The following SLC35D1 variants were observed in gnomAD, a reference collection of about 807,000 sequenced individuals.
The protein encoded by SLC35D1 is solute carrier family 35 member D1, also known as nucleotide sugar transporter SLC35D1.
Under a neutral mutation model 46.7 loss-of-function variants are expected in SLC35D1, and 31 were observed. The ratio of observed to expected loss-of-function variants is 0.66; its 90% confidence interval spans 0.50 to 0.90. The LOEUF (loss-of-function observed/expected upper bound fraction) is 0.90, where lower values mean the gene tolerates loss of function less well. Ranked by LOEUF, SLC35D1 falls within the 40% of genes least tolerant of loss-of-function variation. SLC35D1 has a pLI of 0.00. For missense variants in SLC35D1, 397 were observed against 426.2 expected (o/e 0.93, Z 0.60); for synonymous variants, 195 against 164.6 (o/e 1.18, Z -1.41).
chr1:67,025,229 C>T (rs1667893319), intron 8 of SLC35D1, among the ~76,000 whole-genome samples: 1 of 152,168 alleles, frequency 6.6e-6, no homozygotes, highest in East Asian at 1.9e-4. Flanking sequence ...ACAATTTAAC[C>T]TATAACACTT....
intron 8 of SLC35D1, among the ~76,000 whole-genome samples, chr1:67,026,030 T>C (rs950738716): frequency 1.3e-5 from 2 of 152,206 alleles, no homozygotes; most frequent in African/African-American, 4.8e-5. Context: ...CAGATGGAGT[T>C]CTTCAACATA....
intron 8 of SLC35D1, among the ~76,000 whole-genome samples, chr1:67,037,794 AG>A (rs1258431166): frequency 8.5e-5 from 13 of 152,208 alleles, no homozygotes; most frequent in Non-Finnish European, 1.8e-4. Context: ...GTCATGGTAA[AG>A]AAAAAAGATT....
the SLC35D1 span, among the ~76,000 whole-genome samples, chr1:66,990,347 T>G: frequency 6.6e-6 from 1 of 152,294 alleles, no homozygotes; most frequent in African/African-American, 2.4e-5. Context: ...TGATCACTGC[T>G]CACTGCAGCC....
chr1:67,028,538 A>C (rs967607100), intron 8 of SLC35D1, among the ~76,000 whole-genome samples: 3 of 152,234 alleles, frequency 2.0e-5, no homozygotes, highest in African/African-American at 7.2e-5. Flanking sequence ...ATATACACTT[A>C]GGACCATTAT....
At chr1:66,994,536 C>T (rs920601336), downstream of SLC35D1, among the ~76,000 whole-genome samples, 4 of 151,808 alleles carry the variant, frequency 2.6e-5, no homozygotes, top group Admixed American at 1.3e-4. Context: ...CCCAGCTCCT[C>T]GGGAGGCTGA....
At chr1:67,051,908 A>C (rs1645313310) in intron 4 of SLC35D1, 104 bp downstream of exon 4, 2 of 844,222 alleles carry the variant, frequency 2.4e-6, no homozygotes, top group Admixed American at 4.1e-5. Context: ...TGGTCCTTTC[A>C]TTTTTTTCCA....
Position 67,042,241 on chromosome 1 carries a change from G to C in SLC35D1, c.724C>G (p.Gln242Glu). The C allele has an allele frequency of 1.2e-6, 2 of 1,613,632 alleles. No individual in the cohort carries two copies. The highest frequency in any genetic ancestry group is 1.7e-6 in the Non-Finnish European group (2 of 1,179,552). The change falls in exon 8 of 12, where the codon CAA becomes GAA. Residue 242 changes from glutamine (Q) to glutamate (E), a missense_variant. Physicochemically the swap from Gln to Glu is conservative, Grantham distance 29. Transcript: ENST00000235345. ...CCGTAATTAGAAAGTCCTACCTTTT[G>C]TGCATCTCCTGTGAAATACGCAATG... ...LAIAYFTGDA[Q>E]KAVEFEGWAD...
the SLC35D1 span, chr1:66,976,699 A>G: frequency 2.4e-5 from 39 of 1,605,328 alleles, no homozygotes; most frequent in African/African-American, 2.7e-5. Context: ...GAAAGAAGAA[A>G]TATAATCTTC....
chr1:66,981,753 A>G, the SLC35D1 span: 5 of 1,543,648 alleles, frequency 3.2e-6, no homozygotes, highest in Non-Finnish European at 4.4e-6. Flanking sequence ...TCTTTTTAAT[A>G]TAAAAATTGT....
chr1:66,979,173 T>C, the SLC35D1 span, among the ~76,000 whole-genome samples: 1 of 152,228 alleles, frequency 6.6e-6, no homozygotes, highest in South Asian at 2.1e-4. Context: ...AGCTGTGTTA[T>C]GTCTTCTGTA....
intron 7 of SLC35D1, among the ~76,000 whole-genome samples, chr1:67,043,800 T>A (rs766089592): frequency 6.6e-5 from 10 of 152,156 alleles, no homozygotes; most frequent in Non-Finnish European, 1.5e-5. Context: ...AGGGAGCCTA[T>A]AAGAACTCTG....
downstream of SLC35D1, among the ~76,000 whole-genome samples, chr1:66,997,538 A>AT (rs71058489): frequency 7.4e-6 from 1 of 135,316 alleles, no homozygotes; most frequent in Non-Finnish European, 1.6e-5. Context: ...ATATATATAT[A>AT]ACCCCTTTAG....
In SLC35D1 at chr1:67,039,336, G is replaced by A. The variant is rs938001013; in HGVS notation, c.729+2900C>T. ...TTCCTTTGATATAGTTTTTAAATACGTTTATGTGGTCCTATAATCAAAAAA... is the reference window on the plus strand; with the variant it reads ...TTCCTTTGATATAGTTTTTAAATACATTTATGTGGTCCTATAATCAAAAAA... On this transcript the variant is annotated intron_variant, in intron 8 of 11. Transcript: ENST00000235345. Among the ~76,000 whole-genome samples the A allele has an allele frequency of 4.6e-5, 7 of 151,936 alleles. 1 individual carries two copies. Among genetic ancestry groups the A allele is most frequent in the East Asian group, 3.9e-4 (2 of 5,192 alleles).
chr1:66,984,789 C>CCTT, the SLC35D1 span: 1 of 1,613,944 alleles, frequency 6.2e-7, no homozygotes. Flanking sequence ...AGAGACCTGC[C>CCTT]AAAAGGCGAA....
chr1:67,032,071 A>G (rs1668027543), intron 8 of SLC35D1: 1 of 985,310 alleles, frequency 1.0e-6, no homozygotes, highest in African/African-American at 1.7e-5. Context: ...CTCTGCCACA[A>G]GGCCTGGAAT....
chr1:66,986,768 A>G, the SLC35D1 span: 1 of 265,390 alleles, frequency 3.8e-6, no homozygotes, highest in South Asian at 1.3e-4. Context: ...TTTTTGTTTT[A>G]CTTAAAACTT....
At chr1:67,018,367 G>C (rs890736307) in intron 10 of SLC35D1, among the ~76,000 whole-genome samples, 3 of 152,146 alleles carry the variant, frequency 2.0e-5, no homozygotes, top group Non-Finnish European at 4.4e-5. Flanking sequence ...AAATGAAGGT[G>C]ACAGAGAATC....
At chr1:67,004,980 C>G (rs1667417606) in intron 11 of SLC35D1, among the ~76,000 whole-genome samples, 1 of 152,218 alleles carries the variant, frequency 6.6e-6, no homozygotes, top group South Asian at 2.1e-4. Context: ...GGCCGTCAGC[C>G]TATGACAGGT....
chr1:67,012,036 T>C (rs957446048), intron 10 of SLC35D1, among the ~76,000 whole-genome samples: 1 of 152,240 alleles, frequency 6.6e-6, no homozygotes, highest in East Asian at 1.9e-4. Context: ...GCACTCTCTC[T>C]TGGTCTCTGC....
Sources: gnomAD v4.1 joint callset for allele counts (sites outside exome capture counted in the v4.1 genomes callset) on GRCh38, gnomAD v4.1.1 for gene constraint, MANE v1.5 for transcripts, NCBI Gene and HGNC (gene_info 2026-07-23, HGNC 2026-07-21) for gene names.